ATP2B2: variants seen among roughly 807,000 people sequenced by gnomAD.
ATP2B2 encodes ATPase plasma membrane Ca2+ transporting 2.
A neutral mutation model predicts 120.0 loss-of-function variants in ATP2B2; 15 were observed. That is an observed-to-expected ratio of 0.12 (90% confidence interval 0.08 to 0.19). The LOEUF (loss-of-function observed/expected upper bound fraction) is 0.19. Ranked by LOEUF, ATP2B2 falls within the 10% of genes least tolerant of loss-of-function variation. The pLI, the probability that ATP2B2 is intolerant of heterozygous loss-of-function variation, is 1.00. For synonymous variants in ATP2B2, 694 were observed against 700.3 expected (o/e 0.99, Z 0.14); for missense variants, 1,045 against 1,719.8 (o/e 0.61, Z 6.94).
chr3:10,532,214 G>A (rs1342841560), intron 3 of ATP2B2, among the ~76,000 whole-genome samples: 1 of 152,070 alleles, frequency 6.6e-6, no homozygotes. Flanking sequence ...TCCCTCCCCA[G>A]TCCCACTGAG....
intron 2 of ATP2B2, among the ~76,000 whole-genome samples, chr3:10,619,682 T>A (rs1304336867): frequency 6.6e-6 from 1 of 152,210 alleles, no homozygotes; most frequent in Non-Finnish European, 1.5e-5. Context: ...CTGCCTTTAC[T>A]CCTCCTCTAC....
At chr3:10,595,138 A>G (rs961817473) in intron 2 of ATP2B2, among the ~76,000 whole-genome samples, 2 of 152,206 alleles carry the variant, frequency 1.3e-5, no homozygotes, top group African/African-American at 4.8e-5. Flanking sequence ...GTGCATTCCT[A>G]GATTCTCATA....
intron 2 of ATP2B2, among the ~76,000 whole-genome samples, chr3:10,601,833 G>A (rs2068930537): frequency 6.6e-6 from 1 of 152,214 alleles, no homozygotes. Context: ...GCTGAGGGGA[G>A]CCCCACTAGG....
intron 1 of ATP2B2, among the ~76,000 whole-genome samples, chr3:10,471,341 G>C (rs1054739339): frequency 6.6e-6 from 1 of 151,188 alleles, no homozygotes; most frequent in African/African-American, 2.4e-5. Flanking sequence ...TTGGACTTTG[G>C]TTTTAAAAGG....
intron 3 of ATP2B2, among the ~76,000 whole-genome samples, chr3:10,405,369 C>T (rs151138001): frequency 2.6e-5 from 4 of 152,276 alleles, no homozygotes; most frequent in African/African-American, 4.8e-5. Context: ...CAGCAAAAGC[C>T]GATTAGCTAT....
intron 2 of ATP2B2, among the ~76,000 whole-genome samples, chr3:10,447,432 G>T (rs138516481): frequency 6.6e-6 from 1 of 152,108 alleles, no homozygotes; most frequent in South Asian, 2.1e-4. Flanking sequence ...CTTAACTAGG[G>T]TCCACAACCC....
At chr3:10,400,774 T>C (rs2062192048) in intron 5 of ATP2B2, among the ~76,000 whole-genome samples, 179 bp downstream of exon 5, 1 of 152,188 alleles carries the variant, frequency 6.6e-6, no homozygotes, top group African/African-American at 2.4e-5. Flanking sequence ...GAGTGCACAG[T>C]AGGCTCAATG....
intron 14 of ATP2B2, among the ~76,000 whole-genome samples, chr3:10,352,155 C>T (rs2060596390): frequency 6.6e-6 from 1 of 152,254 alleles, no homozygotes; most frequent in Non-Finnish European, 1.5e-5. Flanking sequence ...CCATTCACAG[C>T]ACCTGCCACT....
chr3:10,685,039 C>T (rs1024228984), intron 1 of ATP2B2, among the ~76,000 whole-genome samples: 2 of 152,136 alleles, frequency 1.3e-5, no homozygotes, highest in African/African-American at 4.8e-5. Flanking sequence ...CAAGACCAGG[C>T]GATGGTAGAC....
chr3:10,577,480 T>A (rs2068280237), intron 2 of ATP2B2, among the ~76,000 whole-genome samples: 2 of 152,182 alleles, frequency 1.3e-5, no homozygotes, highest in Admixed American at 6.5e-5. Flanking sequence ...CCCAAGGCCA[T>A]CAGGGGATCC....
intron 1 of ATP2B2, among the ~76,000 whole-genome samples, chr3:10,454,963 T>A (rs2064199129): frequency 6.6e-6 from 1 of 152,202 alleles, no homozygotes; most frequent in Non-Finnish European, 1.5e-5. Context: ...ACTGTATTGC[T>A]TGAGCCTGCT....
intron 1 of ATP2B2, among the ~76,000 whole-genome samples, chr3:10,657,945 T>C (rs1559507837): frequency 6.6e-6 from 1 of 152,230 alleles, no homozygotes. Flanking sequence ...TCAGCAATAT[T>C]CGCTGTTCTG....
At chr3:10,672,714 G>T (rs1472662691) in intron 1 of ATP2B2, among the ~76,000 whole-genome samples, 2 of 152,172 alleles carry the variant, frequency 1.3e-5, no homozygotes, top group East Asian at 3.8e-4. Context: ...TTTTATTAAA[G>T]GTCACTAACA....
At chr3:10,428,256 T>C (rs528580004) in intron 2 of ATP2B2, among the ~76,000 whole-genome samples, 21 of 152,364 alleles carry the variant, frequency 1.4e-4, no homozygotes, top group African/African-American at 4.3e-4. Flanking sequence ...TGCCTGTTAA[T>C]GTGCTTAGAA....
intron 2 of ATP2B2, among the ~76,000 whole-genome samples, chr3:10,433,038 G>A (rs755688600): frequency 3.0e-4 from 45 of 152,176 alleles, no homozygotes; most frequent in South Asian, 1.0e-3. Context: ...GCTAGGGCTG[G>A]GGTTTCAGAG....
At chr3:10,456,885 TCCTC>T (rs1380663417) in intron 1 of ATP2B2, among the ~76,000 whole-genome samples, 1 of 152,252 alleles carries the variant, frequency 6.6e-6, no homozygotes, top group Non-Finnish European at 1.5e-5. Flanking sequence ...GGAACCCTCT[TCCTC>T]CATGCTGAAC....
intron 1 of ATP2B2, among the ~76,000 whole-genome samples, chr3:10,678,176 G>T (rs1336232360): frequency 1.3e-5 from 2 of 152,130 alleles, no homozygotes; most frequent in African/African-American, 2.4e-5. Context: ...AATTTATTTT[G>T]CTCACTGGTA....
chr3:10,592,032 G>A (rs527520210), intron 2 of ATP2B2, among the ~76,000 whole-genome samples: 3 of 152,302 alleles, frequency 2.0e-5, no homozygotes, highest in Non-Finnish European at 2.9e-5. Context: ...AGGTGGAGAA[G>A]GAGATCTGAG....
At chr3:10,500,432 T>C (rs1314874870) in intron 1 of ATP2B2, among the ~76,000 whole-genome samples, 1 of 151,860 alleles carries the variant, frequency 6.6e-6, no homozygotes, top group East Asian at 1.9e-4. Context: ...TGTGACCTTG[T>C]TTGGAAATAG....
Sources: allele counts gnomAD v4.1 joint callset (sites outside exome capture counted in the v4.1 genomes callset), GRCh38; gene constraint gnomAD v4.1.1; transcripts MANE v1.5; gene names NCBI Gene and HGNC (gene_info 2026-07-23, HGNC 2026-07-21).